The following CHL1 variants were observed in gnomAD, a reference collection of about 807,000 sequenced individuals.
CHL1 encodes neural cell adhesion molecule L1-like protein.
CHL1 carries 96 observed loss-of-function variants against 141.9 expected under a neutral mutation model. The ratio of observed to expected loss-of-function variants is 0.68; its 90% CI spans 0.57 to 0.80. CHL1 has a LOEUF of 0.80. Ranked by LOEUF, CHL1 falls within the 30% of genes least tolerant of loss-of-function variation. The pLI is 0.00. For synonymous variants in CHL1, 613 were observed against 502.2 expected, an observed-to-expected ratio of 1.22 and a Z score of -2.95; for missense variants, 1,820 against 1,457.2, an observed-to-expected ratio of 1.25 and a Z score of -4.05.
intron 19 of CHL1, among the ~76,000 whole-genome samples, chr3:387,803 G>A (rs942049613): frequency 2.0e-5 from 3 of 151,898 alleles, no homozygotes; most frequent in Admixed American, 6.6e-5. Flanking sequence ...GTATTAACAA[G>A]GTCTGCAGAA....
intron 1 of CHL1, among the ~76,000 whole-genome samples, chr3:234,189 G>GTA (rs1264036224): frequency 1.1e-5 from 1 of 94,694 alleles, no homozygotes; most frequent in African/African-American, 2.7e-5. Context: ...ATATGTGTGT[G>GTA]TGTGTATATA....
chr3:255,207 G>A (rs534096515), intron 2 of CHL1, among the ~76,000 whole-genome samples: 3 of 152,292 alleles, frequency 2.0e-5, no homozygotes, highest in South Asian at 2.1e-4. Flanking sequence ...CTGGCAAAAC[G>A]ATGTTTTGAG....
At chr3:205,104 C>CTTTCTTT (rs59728908) in intron 1 of CHL1, among the ~76,000 whole-genome samples, 3 of 129,098 alleles carry the variant, frequency 2.3e-5, no homozygotes, top group East Asian at 4.5e-4. Context: ...TTCTTTCTTT[C>CTTTCTTT]TTTTTTTTTT....
At chr3:226,388 T>C (rs1489591070) in intron 1 of CHL1, among the ~76,000 whole-genome samples, 1 of 120,112 alleles carries the variant, frequency 8.3e-6, no homozygotes, top group African/African-American at 3.0e-5. Flanking sequence ...ATATATATAC[T>C]TATATATTAT....
chr3:219,922 G>A (rs1375122516), intron 1 of CHL1, among the ~76,000 whole-genome samples: 1 of 152,164 alleles, frequency 6.6e-6, no homozygotes, highest in East Asian at 1.9e-4. Flanking sequence ...CTCATGAATA[G>A]TCAGGGGAAT....
intron 2 of CHL1, among the ~76,000 whole-genome samples, chr3:288,756 G>A (rs1559205104): frequency 6.6e-6 from 1 of 152,204 alleles, no homozygotes; most frequent in African/African-American, 2.4e-5. Context: ...AATTGTCTGT[G>A]AAGGGTTTTT....
At chr3:218,387 T>C (rs139991196) in intron 1 of CHL1, among the ~76,000 whole-genome samples, 4 of 152,234 alleles carry the variant, frequency 2.6e-5, no homozygotes, top group Non-Finnish European at 5.9e-5. Context: ...ATGATAATGG[T>C]ATCAAATGGA....
At position 349,467 on chromosome 3, in the gene CHL1, G is replaced by A. The variant is rs1443042795; in HGVS notation, c.957G>A (p.Gln319=). Residue 319 remains glutamine, a synonymous_variant, in exon 10 of 28, where the codon CAG becomes CAA. Coordinates refer to ENST00000256509, the MANE Select transcript of CHL1 (RefSeq NM_006614.4). ...KTLKIENVSY[Q]DKGNYRCTAS... is the part of the protein sequence containing the mutation. Reference sequence around the variant, plus strand: ...TGAAGATAGAGAATGTCTCCTACCAGGACAAAGGAAATTATCGCTGCACAG... The same window carrying A: ...TGAAGATAGAGAATGTCTCCTACCAAGACAAAGGAAATTATCGCTGCACAG... 1.9e-6 allele frequency: 3 copies of A among 1,614,042 alleles called. No homozygotes were observed. Among genetic ancestry groups the A allele is most frequent in the Non-Finnish European group, 2.5e-6 (3 of 1,179,928 alleles).
chr3:321,189 C>A (rs1700534465), intron 3 of CHL1, among the ~76,000 whole-genome samples: 1 of 152,006 alleles, frequency 6.6e-6, no homozygotes, highest in African/African-American at 2.4e-5. Context: ...TTGGAAAGAA[C>A]TGAAATTGTA....
At chr3:276,855 C>T (rs975322475) in intron 2 of CHL1, among the ~76,000 whole-genome samples, 20 of 137,836 alleles carry the variant, frequency 1.5e-4, no homozygotes, top group Non-Finnish European at 3.0e-4. Flanking sequence ...TGCCACTGCA[C>T]TCCAGCCTGG....
chr3:239,405 T>C (rs1294445218), intron 1 of CHL1, among the ~76,000 whole-genome samples: 3 of 152,168 alleles, frequency 2.0e-5, no homozygotes, highest in African/African-American at 7.2e-5. Flanking sequence ...TCAGTCTGTC[T>C]GTCCCTTTTT....
rs144094031 is a variant in CHL1 at position 242,252 on chromosome 3, C to T, written c.-174-2361C>T. Among the ~76,000 whole-genome samples, 372 of 152,268 alleles carry T rather than the reference C, an allele frequency of 2.4e-3. 1 individual carries two copies. The highest frequency in any genetic ancestry group is 8.0e-3 in the African/African-American group (333 of 41,550). ...ATTCTAAAGGATGGTCTGTGCATCT[C>T]TTTCCAGAGATCATGCACCTACAAC... On this transcript the variant is annotated intron_variant, in intron 1 of 27. Transcript: ENST00000256509.
chr3:235,678 A>G (rs1691898211), intron 1 of CHL1, among the ~76,000 whole-genome samples: 1 of 152,212 alleles, frequency 6.6e-6, no homozygotes, highest in Non-Finnish European at 1.5e-5. Flanking sequence ...TTCTACTTCC[A>G]GGGGAGGCCA....
At chr3:224,941 G>C (rs1321034946) in intron 1 of CHL1, among the ~76,000 whole-genome samples, 5 of 151,914 alleles carry the variant, frequency 3.3e-5, no homozygotes, top group Non-Finnish European at 7.4e-5. Context: ...TTCAAGACCA[G>C]CCTGGCCAAC....
chr3:234,129 A>G (rs113197163), intron 1 of CHL1, among the ~76,000 whole-genome samples: 93 of 152,084 alleles, frequency 6.1e-4, no homozygotes, highest in African/African-American at 2.2e-3. Context: ...CAATTGAGGA[A>G]GGAAATACAC....
At chr3:365,585 T>C (rs1704769896) in intron 14 of CHL1, among the ~76,000 whole-genome samples, 1 of 152,228 alleles carries the variant, frequency 6.6e-6, no homozygotes, top group Admixed American at 6.5e-5. Context: ...GAAAATCAAA[T>C]ATCTTTCCCT....
At chr3:342,570 G>GAGTAATTAGAGGGA (rs1702424290) in intron 7 of CHL1, among the ~76,000 whole-genome samples, 1 of 152,152 alleles carries the variant, frequency 6.6e-6, no homozygotes, top group Admixed American at 6.6e-5. Context: ...ATTAGAGGGA[G>GAGTAATTAGAGGGA]GAAGAACCGT....
chr3:390,988 G>A lies in CHL1; in HGVS notation c.2620G>A (p.Gly874Arg), dbSNP rs1346526811. 2 of 1,614,010 alleles carry A rather than the reference G, an allele frequency of 1.2e-6. No homozygotes were observed. The highest frequency in any genetic ancestry group is 8.5e-7 in the Non-Finnish European group (1 of 1,180,012). Residue 874 changes from glycine (G) to arginine (R), a missense_variant, in exon 22 of 28, where the codon GGA becomes AGA. Physicochemically the swap from Gly to Arg is moderately radical, Grantham distance 125 (BLOSUM62 -2). Transcript: ENST00000256509. ...GTGGAAAACAAAAAGTCTGTTGGAT[G>A]GAAGAACACATCCCAAAGAAGTGAA... ...NWWKTKSLLD[G>R]RTHPKEVNIL...
intron 2 of CHL1, among the ~76,000 whole-genome samples, chr3:291,615 A>G (rs1231919929): frequency 6.6e-6 from 1 of 152,040 alleles, no homozygotes; most frequent in Non-Finnish European, 1.5e-5. Context: ...CAAGTAATAA[A>G]TTTTCCTATA....
Sources: allele counts gnomAD v4.1 joint callset (sites outside exome capture counted in the v4.1 genomes callset), GRCh38; gene constraint gnomAD v4.1.1; transcripts MANE v1.5; gene names NCBI Gene and HGNC (gene_info 2026-07-23, HGNC 2026-07-21).